IRF7: variants seen among roughly 807,000 people sequenced by gnomAD.
The protein encoded by IRF7 is interferon regulatory factor-7H.
Under a neutral mutation model 51.3 loss-of-function variants are expected in IRF7, and 67 were observed. The ratio of observed to expected loss-of-function variants is 1.31; its 90% CI spans 1.07 to 1.60. IRF7 has a LOEUF of 1.60. IRF7 is among the 40% of genes most tolerant of loss of function. The probability of loss-of-function intolerance (pLI) is 0.00; values close to 1 mark genes in which losing one functional copy is unlikely to be tolerated. For missense variants in IRF7, 873 were observed against 701.5 expected, an observed-to-expected ratio of 1.24 and a Z score of -2.76; for synonymous variants, 427 against 301.3, an observed-to-expected ratio of 1.42 and a Z score of -4.32.
At chr11:614,083 C>T (rs747744303) in intron 6 of IRF7, 46 bp from the exon 7 acceptor site, 130 of 1,582,816 alleles carry the variant, frequency 8.2e-5, no homozygotes, top group Non-Finnish European at 1.0e-4. Context: ...TCCTAATTCT[C>T]CAGCTCCCCA....
rs745709419 is a variant in IRF7, at chr11:613,989, G to C, written c.728C>G (p.Thr243Ser). Reference sequence around the variant, plus strand: ...CGCGGGCTGGGGCCCGGGGCTGGGGGTCGTCTCTACTGCCCACCCGTACAG... The same window carrying C: ...CGCGGGCTGGGGCCCGGGGCTGGGGCTCGTCTCTACTGCCCACCCGTACAG... ...GELYGWAVET[T>S]PSPGPQPAAL... The change falls in exon 7 of 11, where the codon ACC becomes AGC. Residue 243 changes from threonine (T) to serine (S), a missense_variant. Coordinates refer to ENST00000525445, the MANE Select transcript of IRF7 (RefSeq NM_001572.5). The C allele has an allele frequency of 7.5e-6, 12 of 1,608,298 alleles. No homozygotes were observed. Among genetic ancestry groups the C allele is most frequent in the Non-Finnish European group, 7.6e-6 (9 of 1,178,512 alleles).
chr11:613,593 G>T lies in IRF7; in HGVS notation c.850C>A (p.Pro284Thr), dbSNP rs750074456. The T allele has an allele frequency of 2.6e-6, 4 of 1,548,176 alleles. No homozygotes were observed. The East Asian group carries it at 6.8e-5, about 26-fold the overall frequency. Residue 284 changes from proline (P) to threonine (T), a missense_variant and splice_region_variant, in exon 9 of 11, where the codon CCC (proline) becomes ACC (threonine). By Grantham distance (38) the Pro-to-Thr change is conservative. Transcript: ENST00000525445. ...GTCACGTCCAGCGCCCCTGGGCTGG[G>T]CTCTGTGTGGAGACCAAGCTGTGAG... ...SPSACTAVQE[P>T]SPGALDVTIM...
chr11:612,890 G>A lies in IRF7; in HGVS notation c.1357-90C>T, dbSNP rs1422416499. On this transcript the variant is annotated intron_variant, in intron 10 of 10. Transcript: ENST00000525445. ...CTCTGAGGGCGTCGGGCGTCTGTCA[G>A]TGACCCGGTGTATGGCCTCCCCTCC... is the stretch of plus-strand genomic sequence containing the variant. 5 of 1,589,876 alleles carry A rather than the reference G, an allele frequency of 3.1e-6. No individual in the cohort carries two copies. The African/African-American group carries it at 4.0e-5, about 13-fold the overall frequency.
Position 613,411 on chromosome 11 carries a change from G to T in IRF7, c.1032C>A (p.Arg344=), listed in dbSNP as rs909345196. The T allele has an allele frequency of 7.6e-6, 12 of 1,576,814 alleles. No individual in the cohort carries two copies. The highest frequency in any genetic ancestry group is 1.0e-5 in the Non-Finnish European group (12 of 1,162,418). The change falls in exon 9 of 11, where the codon CGC becomes CGA. Residue 344 remains arginine, a synonymous_variant. Coordinates refer to ENST00000525445, the MANE Select transcript of IRF7 (RefSeq NM_001572.5). ...CGTGCCGCAGCAGTTCCTCCGTGTA[G>T]CGCAGCTGCTTCTGGTCCGGGAGCT... The part of the protein sequence containing the change: ...PAELPDQKQL[R]YTEELLRHVA...
rs773984280 is a variant in IRF7, at chr11:613,252, A to G, written c.1191T>C (p.Pro397=). ...CGAAGATGGGGGTGTCACAGTTCCG[A>G]GGCAGCAGGCAGGCTGGGGTGGAGG... is the stretch of plus-strand genomic sequence containing the variant. The part of the protein sequence containing the change: ...ASPSTPACLL[P]RNCDTPIFDF... Residue 397 remains proline (P), a synonymous_variant, in exon 9 of 11, where the codon CCT becomes CCC. Coordinates refer to ENST00000525445, the MANE Select transcript of IRF7 (RefSeq NM_001572.5). 34 of 1,597,932 alleles carry G rather than the reference A, an allele frequency of 2.1e-5. No homozygotes were observed.
chr11:614,012 C>T lies in IRF7; in HGVS notation c.705G>A (p.Leu235=), dbSNP rs766910044. ...GGGTCGTCTCTACTGCCCACCCGTA[C>T]AGCTCCCCAGCAGGGAGCCCTGGGC... ...AGGPGLPAGE[L]YGWAVETTPS... The change falls in exon 7 of 11, where the codon CTG becomes CTA. Residue 235 remains leucine, a synonymous_variant. Coordinates refer to ENST00000525445, the MANE Select transcript of IRF7 (RefSeq NM_001572.5). 1.2e-6 allele frequency: 2 copies of T among 1,609,422 alleles called. No homozygotes were observed. The highest frequency in any genetic ancestry group is 1.7e-6 in the Non-Finnish European group (2 of 1,178,706).
chr11:614,002 C>T lies in IRF7; in HGVS notation c.715G>A (p.Ala239Thr). The T allele has an allele frequency of 6.2e-7, 1 of 1,609,090 alleles. No homozygotes were observed. Among genetic ancestry groups the T allele is most frequent in the East Asian group, 2.2e-5 (1 of 44,808 alleles). The change falls in exon 7 of 11, where the codon GCA becomes ACA. Residue 239 changes from alanine (A) to threonine (T), a missense_variant. Ala to Thr is a moderately conservative substitution (Grantham distance 58, BLOSUM62 0). Coordinates refer to ENST00000525445, the MANE Select transcript of IRF7 (RefSeq NM_001572.5). ...GLPAGELYGW[A>T]VETTPSPGPQ... is the part of the protein sequence containing the mutation. ...CCGGGGCTGGGGGTCGTCTCTACTG[C>T]CCACCCGTACAGCTCCCCAGCAGGG...
chr11:613,874 G>A lies in IRF7; in HGVS notation c.767-9C>T, dbSNP rs757901235. ...TGGGGCCGCGGCCTCGCCTGCATCC[G>A]GAAGGGAATCCTGTGCTGGCACCTC... On this transcript the variant is annotated splice_polypyrimidine_tract_variant and intron_variant, in intron 7 of 10. Transcript: ENST00000525445. The A allele has an allele frequency of 6.9e-6, 11 of 1,598,552 alleles. No homozygotes were observed. The Admixed American group carries it at 1.0e-4, about 15-fold the overall frequency.
rs755917534 is a variant in IRF7, at chr11:613,933, AACCCCT to A, written c.766+12_766+17del. 41 of 1,604,172 alleles carry A rather than the reference AACCCCT, an allele frequency of 2.6e-5. No individual in the cohort carries two copies. The South Asian group carries it at 4.6e-4, about 18-fold the overall frequency. ...CCTCTCCCTGTGCCCCAGGCCTCCC[AACCCCT>A]ACCCCTCTCACCTGTCGTTAGTGCC... On this transcript the variant is annotated intron_variant, in intron 7 of 10. Coordinates refer to ENST00000525445, the MANE Select transcript of IRF7 (RefSeq NM_001572.5).
chr11:612,918 C>A (rs556610785), intron 10 of IRF7, 81 bp downstream of exon 10: 222 of 1,581,770 alleles, frequency 1.4e-4, no homozygotes, highest in Admixed American at 4.7e-4. Flanking sequence ...TCCCCTCCCC[C>A]TCTCCGAGGC....
Position 615,123 on chromosome 11 carries a change from T to C in IRF7, c.157A>G (p.Ser53Gly). Residue 53 changes from serine (S) to glycine (G), a missense_variant, in exon 3 of 11, where the codon AGC (serine) becomes GGC (glycine). By Grantham distance (56) the Ser-to-Gly change is moderately conservative (BLOSUM62 0). Transcript: ENST00000525445. ...TTGAAGATGCGCGCGTCGGCCTCGC[T>C]CAGGTCCTTGCGCGCGAAGTGCTTC... Reference protein sequence around the residue: ...PWKHFARKDLSEADARIFKAW... With the variant: ...PWKHFARKDLGEADARIFKAW... The C allele has an allele frequency of 6.3e-7, 1 of 1,599,884 alleles. No homozygotes were observed. The highest frequency in any genetic ancestry group is 8.5e-7 in the Non-Finnish European group (1 of 1,178,150).
rs1856493699 is a variant in IRF7 at position 612,633 on chromosome 11, T to G, written c.*12A>C. Reference sequence around the variant, plus strand: ...CTGCTCCAGCTTTCTGGAGTTCTCATTAGACTGGGTTCTAGGCGGGCTGCT... The same window carrying G: ...CTGCTCCAGCTTTCTGGAGTTCTCAGTAGACTGGGTTCTAGGCGGGCTGCT... On this transcript the variant is annotated 3_prime_UTR_variant, in exon 11 of 11. Transcript: ENST00000525445. The G allele has an allele frequency of 6.2e-7, 1 of 1,612,026 alleles. No individual in the cohort carries two copies. Among genetic ancestry groups the G allele is most frequent in the African/African-American group, 1.3e-5 (1 of 74,898 alleles).
rs1023415685 is a variant in IRF7 at position 613,539 on chromosome 11, G to A, written c.904C>T (p.Gln302Ter). Residue 302 changes from glutamine to a stop codon, truncating the protein, a stop_gained, in exon 9 of 11, where the codon CAG becomes TAG. Coordinates refer to ENST00000525445, the MANE Select transcript of IRF7 (RefSeq NM_001572.5). LOFTEE classifies it high-confidence loss of function. The part of the protein sequence containing the change: ...TIMYKGRTVL[Q>*]KVVGHPSCTF... ...CAGCTCGGGTGTCCCACCACCTTCT[G>A]CAGCACCGTGCGGCCCTTGTACATG... 3.2e-6 allele frequency: 5 copies of A among 1,576,464 alleles called. No homozygotes were observed. Among genetic ancestry groups the A allele is most frequent in the Admixed American group, 1.8e-5 (1 of 54,730 alleles).
rs1325596220 is a variant in IRF7, at chr11:614,214, C to G, written c.639G>C (p.Glu213Asp). ...ADPVPTKAPG[E>D]GQEGLPLTGA... ...CAGTCAGGGGAAGCCCTTCTTGTCC[C>G]TCTCCAGGAGCCTTGGTTGGGACTG... Residue 213 changes from glutamate (E) to aspartate (D), a missense_variant, in exon 6 of 11, where the codon GAG becomes GAC. By Grantham distance (45) the Glu-to-Asp change is conservative. Coordinates refer to ENST00000525445, the MANE Select transcript of IRF7 (RefSeq NM_001572.5). 1.2e-6 allele frequency: 2 copies of G among 1,613,074 alleles called. No individual in the cohort carries two copies. Among genetic ancestry groups the G allele is most frequent in the Non-Finnish European group, 1.7e-6 (2 of 1,179,948 alleles).
chr11:613,542 G>A lies in IRF7; in HGVS notation c.901C>T (p.Leu301=). The A allele has an allele frequency of 6.3e-7, 1 of 1,576,924 alleles. No homozygotes were observed. Among genetic ancestry groups the A allele is most frequent in the South Asian group, 1.2e-5 (1 of 84,794 alleles). ...VTIMYKGRTV[L]QKVVGHPSCT... ...CTCGGGTGTCCCACCACCTTCTGCAGCACCGTGCGGCCCTTGTACATGATG... is the reference window on the plus strand; with the variant it reads ...CTCGGGTGTCCCACCACCTTCTGCAACACCGTGCGGCCCTTGTACATGATG... Residue 301 remains leucine (L), a synonymous_variant, in exon 9 of 11, where the codon CTG becomes TTG. Coordinates refer to ENST00000525445, the MANE Select transcript of IRF7 (RefSeq NM_001572.5).
Position 613,572 on chromosome 11 carries a change from C to A in IRF7, c.871G>T (p.Val291Leu). ...VQEPSPGALD[V>L]TIMYKGRTVL... ...GTGCGGCCCTTGTACATGATGGTCA[C>A]GTCCAGCGCCCCTGGGCTGGGCTCT... The change falls in exon 9 of 11, where the codon GTG becomes TTG. Residue 291 changes from valine (V) to leucine (L), a missense_variant. Transcript: ENST00000525445. 3 of 1,572,180 alleles carry A rather than the reference C, an allele frequency of 1.9e-6. No homozygotes were observed. The highest frequency in any genetic ancestry group is 2.6e-6 in the Non-Finnish European group (3 of 1,162,026).
Position 614,947 on chromosome 11 carries a change from C to T in IRF7, c.244G>A (p.Glu82Lys), listed in dbSNP as rs765588606. The T allele has an allele frequency of 4.5e-6, 7 of 1,568,006 alleles. No homozygotes were observed. The highest frequency in any genetic ancestry group is 5.2e-6 in the Non-Finnish European group (6 of 1,160,106). Residue 82 changes from glutamate to lysine, a missense_variant, in exon 4 of 11, where the codon GAG becomes AAG. Coordinates refer to ENST00000525445, the MANE Select transcript of IRF7 (RefSeq NM_001572.5). ...CCGGCGCGCTCCGCAGTCTCAGCCT[C>T]GGGGGGCGGGCCACCTCCCCTGCTG... ...PSSRGGGPPP[E>K]AETAERAGWK...
intron 9 of IRF7, 24 bp downstream of exon 9, chr11:613,182 C>A (rs1472955211): frequency 1.3e-6 from 2 of 1,594,024 alleles, no homozygotes; most frequent in South Asian, 2.2e-5. Flanking sequence ...TGGAGACAGC[C>A]CCCCAGGCAA....
rs781195360 is a variant in IRF7 at position 614,906 on chromosome 11, G to T, written c.285C>A (p.Phe95Leu). ...TAERAGWKTN[F>L]RCALRSTRRF... ...GACGCGTGCTGCGCAGTGCGCAGCG[G>T]AAGTTGGTTTTCCAGCCGGCGCGCT... is the stretch of plus-strand genomic sequence containing the variant. Residue 95 changes from phenylalanine (F) to leucine (L), a missense_variant, in exon 4 of 11, where the codon TTC (phenylalanine) becomes TTA (leucine). By Grantham distance (22) the Phe-to-Leu change is conservative. Transcript: ENST00000525445. The T allele has an allele frequency of 6.3e-7, 1 of 1,589,100 alleles. No homozygotes were observed. Among genetic ancestry groups the T allele is most frequent in the African/African-American group, 1.3e-5 (1 of 74,336 alleles).
Sources: gnomAD v4.1 joint callset for allele counts on GRCh38, gnomAD v4.1.1 for gene constraint, MANE v1.5 for transcripts, NCBI Gene and HGNC (gene_info 2026-07-23, HGNC 2026-07-21) for gene names.